Variants in SORCS2 observed in about 807,000 individuals in gnomAD.
SORCS2 encodes sortilin related VPS10 domain containing receptor 2.
SORCS2 carries 100 observed loss-of-function variants against 141.6 expected under a neutral mutation model. The observed-to-expected ratio is 0.71, with a 90% CI of 0.60 to 0.83. The LOEUF (loss-of-function observed/expected upper bound fraction) is 0.83, where lower values mean the gene tolerates loss of function less well. Ranked by LOEUF, SORCS2 falls within the 40% of genes least tolerant of loss-of-function variation. The probability of loss-of-function intolerance (pLI) is 0.00; values close to 1 mark genes in which losing one functional copy is unlikely to be tolerated. For synonymous variants in SORCS2, 789 were observed against 676.9 expected (o/e 1.17, Z -2.57); for missense variants, 1,646 against 1,560.2 (o/e 1.05, Z -0.93).
At chr4:7,713,916 G>A (rs996999008) in intron 15 of SORCS2, among the ~76,000 whole-genome samples, 1 of 152,202 alleles carries the variant, frequency 6.6e-6, no homozygotes, top group Non-Finnish European at 1.5e-5. Context: ...GCCCTCGAGG[G>A]CGTGGCTCAG....
chr4:7,323,005 A>C (rs142939453), intron 1 of SORCS2, among the ~76,000 whole-genome samples: 27 of 152,128 alleles, frequency 1.8e-4, no homozygotes, highest in African/African-American at 6.3e-4. Context: ...CAGTAGCTCT[A>C]GTTCCCAGTT....
chr4:7,640,377 CAT>C (rs1308174544), intron 4 of SORCS2, among the ~76,000 whole-genome samples: 5 of 127,446 alleles, frequency 3.9e-5, no homozygotes, highest in Admixed American at 3.1e-4. Flanking sequence ...TGTGAATGTA[CAT>C]GAGTGTGTGG....
chr4:7,559,508 G>A (rs1714377920), intron 3 of SORCS2, among the ~76,000 whole-genome samples: 1 of 152,160 alleles, frequency 6.6e-6, no homozygotes, highest in South Asian at 2.1e-4. Context: ...GAGCTGATGG[G>A]GGCATCAGAG....
chr4:7,386,154 TAC>T (rs1232216731), intron 1 of SORCS2, among the ~76,000 whole-genome samples: 2 of 145,300 alleles, frequency 1.4e-5, no homozygotes, highest in Non-Finnish European at 3.0e-5. Flanking sequence ...CACATACAGG[TAC>T]ACAGAGATAC....
intron 2 of SORCS2, among the ~76,000 whole-genome samples, chr4:7,526,389 A>G (rs1298971487): frequency 6.6e-6 from 1 of 152,258 alleles, no homozygotes; most frequent in East Asian, 1.9e-4. Flanking sequence ...CCTTAATGCT[A>G]TCACTAAGCG....
At chr4:7,653,160 C>T (rs1721545789) in intron 4 of SORCS2, among the ~76,000 whole-genome samples, 2 of 152,234 alleles carry the variant, frequency 1.3e-5, no homozygotes, top group African/African-American at 4.8e-5. Flanking sequence ...CCCGAGGGCA[C>T]AGGGCTGGAG....
chr4:7,526,756 G>A (rs903716124), intron 2 of SORCS2, among the ~76,000 whole-genome samples: 5 of 152,130 alleles, frequency 3.3e-5, no homozygotes, highest in Non-Finnish European at 7.4e-5. Flanking sequence ...GGGGCCGAAG[G>A]TGTATGGGGA....
At chr4:7,569,792 A>C (rs1369324601) in intron 3 of SORCS2, among the ~76,000 whole-genome samples, 1 of 152,202 alleles carries the variant, frequency 6.6e-6, no homozygotes, top group East Asian at 1.9e-4. Flanking sequence ...GAATGCAGTG[A>C]GGTGCAGTGT....
At chr4:7,237,748 G>A (rs1017760273) in intron 1 of SORCS2, among the ~76,000 whole-genome samples, 2 of 151,972 alleles carry the variant, frequency 1.3e-5, no homozygotes, top group Admixed American at 6.6e-5. Flanking sequence ...ATGAGTTTAC[G>A]TCAGATCCTG....
chr4:7,372,574 C>A (rs1722327571), intron 1 of SORCS2, among the ~76,000 whole-genome samples: 1 of 152,226 alleles, frequency 6.6e-6, no homozygotes, highest in South Asian at 2.1e-4. Context: ...TCCCAAAGTG[C>A]TGGAATTACA....
rs1560115035 is a variant in SORCS2, at chr4:7,724,908, T to TGGAGGTG, written c.2612-246_2612-245insGGAGGTG. 4.4e-3 allele frequency among the ~76,000 whole-genome samples: 203 copies of TGGAGGTG among 46,308 alleles called. 13 individuals carry two copies. Among genetic ancestry groups the TGGAGGTG allele is most frequent in the East Asian group, 0.011 (16 of 1,436 alleles). 30.4% of individuals were successfully genotyped at this position (46,308 alleles called of 152,430 possible). A position where few individuals can be genotyped will look rare whatever the true frequency, so the allele number is the denominator to read the frequency against. ...GTGGTGTTGGTGATGGTGGTGATAGTATTGGTGGGAATGGATGGTGGTAGT... is the reference window on the plus strand; with the variant it reads ...GTGGTGTTGGTGATGGTGGTGATAGTGGAGGTGATTGGTGGGAATGGATGGTGGTAGT... On this transcript the variant is annotated intron_variant, in intron 19 of 26. Transcript: ENST00000507866.
chr4:7,576,480 C>A (rs564579814), intron 3 of SORCS2, among the ~76,000 whole-genome samples: 1 of 152,246 alleles, frequency 6.6e-6, no homozygotes, highest in South Asian at 2.1e-4. Flanking sequence ...AGAGCCAAGC[C>A]CTGTGGGACT....
intron 2 of SORCS2, among the ~76,000 whole-genome samples, chr4:7,459,263 A>G (rs1300654351): frequency 1.3e-5 from 2 of 152,048 alleles, no homozygotes; most frequent in Non-Finnish European, 2.9e-5. Context: ...TAGAAGAGGG[A>G]GGATCCTTTG....
intron 1 of SORCS2, among the ~76,000 whole-genome samples, chr4:7,377,527 T>A (rs1006709198): frequency 5.3e-5 from 8 of 152,204 alleles, no homozygotes; most frequent in African/African-American, 1.7e-4. Context: ...TTCTGCCAAA[T>A]TTGTTCCATC....
intron 2 of SORCS2, among the ~76,000 whole-genome samples, chr4:7,480,267 G>T (rs182557831): frequency 1.1e-3 from 163 of 152,358 alleles, no homozygotes; most frequent in Middle Eastern, 3.4e-3. Flanking sequence ...TGACTGCAGC[G>T]TCTGGGACTG....
At chr4:7,365,451 G>T (rs1399697509) in intron 1 of SORCS2, among the ~76,000 whole-genome samples, 4 of 152,166 alleles carry the variant, frequency 2.6e-5, no homozygotes, top group African/African-American at 7.2e-5. Flanking sequence ...TGGGACAAGA[G>T]CCTGGTCTGG....
intron 1 of SORCS2, among the ~76,000 whole-genome samples, chr4:7,385,822 G>T (rs1018131452): frequency 6.6e-6 from 1 of 152,202 alleles, no homozygotes; most frequent in Non-Finnish European, 1.5e-5. Flanking sequence ...CACCTGCCTC[G>T]ATTGGGACCA....
At chr4:7,731,227 A>G (rs947290190) in intron 23 of SORCS2, among the ~76,000 whole-genome samples, 1 of 152,248 alleles carries the variant, frequency 6.6e-6, no homozygotes, top group African/African-American at 2.4e-5. Context: ...GAGGTGAAAA[A>G]CTTGTGAAAA....
At chr4:7,656,915 A>G (rs1469239566) in intron 5 of SORCS2, among the ~76,000 whole-genome samples, 1 of 152,194 alleles carries the variant, frequency 6.6e-6, no homozygotes, top group African/African-American at 2.4e-5. Context: ...CCACCTCCCC[A>G]AAACACTCAC....
Sources: gnomAD v4.1 joint callset for allele counts (sites outside exome capture counted in the v4.1 genomes callset) on GRCh38, gnomAD v4.1.1 for gene constraint, MANE v1.5 for transcripts, NCBI Gene and HGNC (gene_info 2026-07-23, HGNC 2026-07-21) for gene names.